Variants in C6orf132 observed in about 807,000 individuals in gnomAD.
C6orf132 encodes chromosome 6 open reading frame 132, also known as uncharacterized protein C6orf132.
C6orf132 carries 43 observed loss-of-function variants against 65.3 expected under a neutral mutation model. The ratio of observed to expected loss-of-function variants is 0.66; its 90% CI spans 0.52 to 0.85. The LOEUF is 0.85. C6orf132 is among the 40% of genes least tolerant of loss of function. The pLI, the probability that C6orf132 is intolerant of heterozygous loss-of-function variation, is 0.00. For synonymous variants in C6orf132, 631 were observed against 654.1 expected (o/e 0.96, Z 0.54); for missense variants, 1,488 against 1,548.8 (o/e 0.96, Z 0.66).
intron 2 of C6orf132, among the ~76,000 whole-genome samples, chr6:42,127,172 C>A (rs1292847355): frequency 6.6e-6 from 1 of 152,172 alleles, no homozygotes; most frequent in Non-Finnish European, 1.5e-5. Context: ...CCAGGCTAGT[C>A]TTGAACTCCT....
chr6:42,123,610 A>G (rs1318673334), intron 2 of C6orf132, among the ~76,000 whole-genome samples: 1 of 151,662 alleles, frequency 6.6e-6, no homozygotes, highest in Non-Finnish European at 1.5e-5. Context: ...AAGGAAGAAG[A>G]AGAAGAAACA....
rs1311447555 is a variant in C6orf132 at position 42,107,042 on chromosome 6, A to C, written c.870T>G (p.Pro290=). The change falls in exon 4 of 5, where the codon CCT becomes CCG. Residue 290 remains proline, a synonymous_variant. Transcript: ENST00000341865. ...PAEPKGSALG[P]NPEPHLTFPR... ...GGAAGGTGAGATGGGGCTCTGGGTT[A>C]GGTCCCAGGGCGCTCCCCTTTGGCT... The C allele has an allele frequency of 2.7e-6, 4 of 1,508,518 alleles. No homozygotes were observed. The highest frequency in any genetic ancestry group is 1.7e-4 in the Middle Eastern group (1 of 5,876). 93.4% of individuals were successfully genotyped at this position (1,508,518 alleles called of 1,614,324 possible). A position where few individuals can be genotyped will look rare whatever the true frequency, so the allele number is the denominator to read the frequency against.
chr6:42,103,851 T>C lies in C6orf132; in HGVS notation c.3477A>G (p.Gly1159=). ...GRSPYTTTRY[G]SPINTFTVRP... The stretch of plus-strand genomic sequence containing the variant: ...TCACGGTGAACGTGTTGATGGGGCT[T>C]CCATAGCGGGTGGTGGTGTAGGGAG... The change falls in exon 5 of 5, where the codon GGA becomes GGG. Residue 1159 remains glycine (G), a synonymous_variant. Transcript: ENST00000341865. The C allele has an allele frequency of 6.7e-7, 1 of 1,487,476 alleles. No individual in the cohort carries two copies. The highest frequency in any genetic ancestry group is 1.3e-5 in the South Asian group (1 of 77,976). The allele number at this position is 1,487,476 out of a possible 1,614,324, so 92.1% of individuals were successfully genotyped here. A position where few individuals can be genotyped will look rare whatever the true frequency, so the allele number is the denominator to read the frequency against.
rs1562032600 is a variant in C6orf132, at chr6:42,105,613, ATGGCACCTCTCC to A, written c.2287_2298del (p.Gly763_Pro766del). On this transcript the variant is annotated inframe_deletion, in exon 4 of 5. Coordinates refer to ENST00000341865, the MANE Select transcript of C6orf132 (RefSeq NM_001164446.3). ...TGGTGGCAGTGGGGCTTGTAGAGAC[ATGGCACCTCTCC>A]TCCACCAGGAGATGTCTTTGGTGGG... The A allele has an allele frequency of 6.5e-7, 1 of 1,536,958 alleles. No individual in the cohort carries two copies. The highest frequency in any genetic ancestry group is 8.7e-7 in the Non-Finnish European group (1 of 1,146,886).
At chr6:42,111,769 A>G (rs758212490) in intron 2 of C6orf132, among the ~76,000 whole-genome samples, 1 of 152,212 alleles carries the variant, frequency 6.6e-6, no homozygotes, top group Non-Finnish European at 1.5e-5. Flanking sequence ...TCTGATCGCT[A>G]AGCTTAAGAG....
rs1382457334 is a variant in C6orf132, at chr6:42,124,574, C to G, written c.252+4098G>C. On this transcript the variant is annotated intron_variant, in intron 2 of 4. Coordinates refer to ENST00000341865, the MANE Select transcript of C6orf132 (RefSeq NM_001164446.3). The surrounding 1 kb of genome is among the most constrained non-coding windows in gnomAD (Gnocchi z 4.0). The stretch of plus-strand genomic sequence containing the variant: ...TGCCTCTGAATGTGGGAAGGGAGGA[C>G]AGGGAGGGGTGGAGGCCTGGCCGGC... Among the ~76,000 whole-genome samples, 1 of 152,168 alleles carries G rather than the reference C, an allele frequency of 6.6e-6. No individual in the cohort carries two copies. Among genetic ancestry groups the G allele is most frequent in the East Asian group, 1.9e-4 (1 of 5,182 alleles).
chr6:42,119,246 C>A (rs1766638160), intron 2 of C6orf132, among the ~76,000 whole-genome samples: 1 of 38,264 alleles, frequency 2.6e-5, no homozygotes, highest in Non-Finnish European at 4.2e-5. Context: ...AAGACTCTGT[C>A]TCAAAAAAAA....
intron 1 of C6orf132, among the ~76,000 whole-genome samples, chr6:42,138,819 A>G (rs1766990774): frequency 7.1e-6 from 1 of 140,132 alleles, no homozygotes; most frequent in African/African-American, 2.6e-5. Context: ...GGATTTGCGA[A>G]GATCCACATC....
At chr6:42,136,836 G>T (rs1277126942) in intron 1 of C6orf132, among the ~76,000 whole-genome samples, 1 of 152,124 alleles carries the variant, frequency 6.6e-6, no homozygotes, top group Non-Finnish European at 1.5e-5. Context: ...GGAGGGGCAG[G>T]GAGCCACAAA....
chr6:42,132,282 G>A (rs370673527), intron 1 of C6orf132, among the ~76,000 whole-genome samples: 123 of 152,078 alleles, frequency 8.1e-4, no homozygotes, highest in African/African-American at 2.8e-3. Flanking sequence ...TTGGGAGGCC[G>A]AGGCGGGCGG....
chr6:42,109,319 G>T (rs984753089), intron 3 of C6orf132, among the ~76,000 whole-genome samples: 1 of 152,094 alleles, frequency 6.6e-6, no homozygotes, highest in African/African-American at 2.4e-5. Context: ...TATGGTCCCA[G>T]CTACTCAGAG....
intron 2 of C6orf132, chr6:42,126,505 C>T (rs9471774): frequency 0.6 from 96,257 of 160,162 alleles, 30,524 homozygotes; most frequent in African/African-American, 0.79. Context: ...GGTATGTGTG[C>T]TGAGGGTAAG....
intron 2 of C6orf132, 85 bp from the exon 3 acceptor site, chr6:42,110,376 G>T: frequency 9.2e-7 from 1 of 1,089,210 alleles, no homozygotes; most frequent in Non-Finnish European, 1.3e-6. Context: ...CCATTTTACT[G>T]CTTGAAAATC....
Position 42,104,828 on chromosome 6 carries a change from G to A in C6orf132, c.3084C>T (p.Pro1028=), listed in dbSNP as rs1275951736. The part of the protein sequence containing the change: ...SDLRQLPNAG[P]GAPPALGFSR... ...AGAAGCCGAGAGCCGGGGGCGCCCC[G>A]GGGCCAGCGTTCGGGAGCTGCCTCA... Residue 1028 remains proline (P), a synonymous_variant, in exon 4 of 5, where the codon CCC becomes CCT. Transcript: ENST00000341865. This position sits in a 1 kb window ranked among gnomAD's most constrained non-coding sequence, Gnocchi z 4.1. 2.0e-5 allele frequency: 29 copies of A among 1,460,876 alleles called. No homozygotes were observed. The highest frequency in any genetic ancestry group is 2.7e-5 in the Admixed American group (1 of 37,620). The allele number at this position is 1,460,876 out of a possible 1,614,324, so 90.5% of individuals were successfully genotyped here.
Position 42,104,141 on chromosome 6 carries a change from ACT to A in C6orf132, c.3450-265_3450-264del. Among the ~76,000 whole-genome samples, 1 of 152,138 alleles carries A rather than the reference ACT, an allele frequency of 6.6e-6. No homozygotes were observed. On this transcript the variant is annotated intron_variant, in intron 4 of 4. Coordinates refer to ENST00000341865, the MANE Select transcript of C6orf132 (RefSeq NM_001164446.3). The surrounding 1 kb of genome is among the most constrained non-coding windows in gnomAD (Gnocchi z 4.1). ...CACTCCTGGCCTGTGTCGGGATCCA[ACT>A]CTGTGTTGGGAAATCCCTCCACCCA...
intron 1 of C6orf132, 87 bp downstream of exon 1, chr6:42,142,213 C>T: frequency 7.0e-7 from 1 of 1,428,198 alleles, no homozygotes; most frequent in Non-Finnish European, 9.4e-7. Flanking sequence ...TGTCCCTCCC[C>T]TCCGCGCCTC....
At position 42,112,589 on chromosome 6, in the gene C6orf132, TC is replaced by T. The variant is rs1238871215; in HGVS notation, c.253-2299del. 2.6e-5 allele frequency among the ~76,000 whole-genome samples: 4 copies of T among 152,224 alleles called. No homozygotes were observed. The East Asian group carries it at 7.7e-4, about 29-fold the overall frequency. The stretch of plus-strand genomic sequence containing the variant: ...ATGCACAAAAAGCACTTGGGAGCCA[TC>T]CCCTGTCCGCACCACACTGACCCAC... On this transcript the variant is annotated intron_variant, in intron 2 of 4. Coordinates refer to ENST00000341865, the MANE Select transcript of C6orf132 (RefSeq NM_001164446.3).
chr6:42,128,540 C>A, intron 2 of C6orf132, 132 bp downstream of exon 2: 1 of 664,662 alleles, frequency 1.5e-6, no homozygotes. Context: ...CCAGTAGCCC[C>A]CCTTCCCGCC....
intron 2 of C6orf132, among the ~76,000 whole-genome samples, chr6:42,128,160 T>C (rs1766794747): frequency 6.9e-6 from 1 of 144,804 alleles, no homozygotes. Flanking sequence ...TCTCCTGACC[T>C]CATGATCTGC....
Sources: gnomAD v4.1 joint callset for allele counts (sites outside exome capture counted in the v4.1 genomes callset) on GRCh38, gnomAD v4.1.1 for gene constraint, Gnocchi (gnomAD v3.1) non-coding constraint, MANE v1.5 for transcripts, NCBI Gene and HGNC (gene_info 2026-07-23, HGNC 2026-07-21) for gene names.